Variants in ESRRB observed in about 807,000 individuals in gnomAD.
ESRRB encodes estrogen related receptor beta, also known as steroid hormone receptor ERR2.
Under a neutral mutation model 46.0 loss-of-function variants are expected in ESRRB, and 16 were observed. The observed-to-expected ratio is 0.35, with a 90% CI of 0.24 to 0.53. ESRRB has a LOEUF of 0.53. Among genes scored for constraint, ESRRB ranks in the 20% least tolerant of loss-of-function variants. The pLI, the probability that ESRRB is intolerant of heterozygous loss-of-function variation, is 0.93. For missense variants in ESRRB, 488 were observed against 607.4 expected, an observed-to-expected ratio of 0.80 and a Z score of 2.07; for synonymous variants, 246 against 259.6, an observed-to-expected ratio of 0.95 and a Z score of 0.50.
intron 1 of ESRRB, among the ~76,000 whole-genome samples, chr14:76,358,409 A>G (rs552496191): frequency 2.0e-5 from 3 of 147,022 alleles, no homozygotes; most frequent in Non-Finnish European, 3.0e-5. Flanking sequence ...GAAAGAAAGA[A>G]AGAAAAGAAA....
At position 76,500,633 on chromosome 14, in the gene ESRRB, G is replaced by A; in HGVS notation, c.*2175G>A. On this transcript the variant is annotated 3_prime_UTR_variant, in exon 7 of 7. Coordinates refer to ENST00000644823, the MANE Select transcript of ESRRB (RefSeq NM_001379180.1). ...CCCTGCTCTGTCACTTCCTGCTCAA[G>A]CTGGAGGACCCAGGCGGCAGGGCAT... is the stretch of plus-strand genomic sequence containing the variant. 6.3e-7 allele frequency: 1 copy of A among 1,587,730 alleles called. No homozygotes were observed. The highest frequency in any genetic ancestry group is 1.1e-5 in the South Asian group (1 of 90,594).
At chr14:76,383,645 G>A (rs1885104978) in intron 1 of ESRRB, among the ~76,000 whole-genome samples, 1 of 152,112 alleles carries the variant, frequency 6.6e-6, no homozygotes, top group Non-Finnish European at 1.5e-5. Context: ...GACTGTTTTG[G>A]AGGAAGGAGT....
intron 1 of ESRRB, among the ~76,000 whole-genome samples, chr14:76,421,476 A>G (rs1304402301): frequency 2.0e-5 from 3 of 152,224 alleles, no homozygotes; most frequent in African/African-American, 7.2e-5. Flanking sequence ...GAAATGTAGT[A>G]TTGTTATTCG....
At chr14:76,494,424 A>G (rs1323070308) in intron 6 of ESRRB, among the ~76,000 whole-genome samples, 1 of 150,982 alleles carries the variant, frequency 6.6e-6, no homozygotes, top group African/African-American at 2.4e-5. Flanking sequence ...CTCTTGCCTC[A>G]GCCTCCTTAG....
At position 76,376,222 on chromosome 14, in the gene ESRRB, G is replaced by A. The variant is rs1402104381; in HGVS notation, c.-180G>A. 1.2e-5 allele frequency: 5 copies of A among 401,996 alleles called. No individual in the cohort carries two copies. The highest frequency in any genetic ancestry group is 2.2e-5 in the Non-Finnish European group (5 of 230,812). The allele number at this position is 401,996 out of a possible 1,614,324, so 24.9% of individuals were successfully genotyped here. A position where few individuals can be genotyped will look rare whatever the true frequency, so the allele number is the denominator to read the frequency against. ...AGCGTGCGGATGAGTGGAGAGCTGG[G>A]CTGTGCGCGCACGGCTCTCTGCCTC... On this transcript the variant is annotated 5_prime_UTR_variant, in exon 1 of 7. Transcript: ENST00000644823. This position sits in a 1 kb window ranked among gnomAD's most constrained non-coding sequence, Gnocchi z 4.1.
chr14:76,402,852 T>C (rs1217867973), intron 1 of ESRRB, among the ~76,000 whole-genome samples: 3 of 152,182 alleles, frequency 2.0e-5, no homozygotes, highest in Non-Finnish European at 4.4e-5. Context: ...TTTCTTTTTC[T>C]TTCTTTTTTT....
chr14:76,471,509 T>G (rs1478314036), intron 3 of ESRRB, among the ~76,000 whole-genome samples: 1 of 152,194 alleles, frequency 6.6e-6, no homozygotes, highest in Non-Finnish European at 1.5e-5. Context: ...GTCTGTTCAC[T>G]CCTACCCACT....
chr14:76,400,585 G>A (rs990857325), intron 1 of ESRRB, among the ~76,000 whole-genome samples: 4 of 152,176 alleles, frequency 2.6e-5, no homozygotes, highest in Non-Finnish European at 4.4e-5. Flanking sequence ...GACAAATAGC[G>A]TCAACTTTGT....
At position 76,347,222 on chromosome 14, in the gene ESRRB, G is replaced by A. The variant is rs77371871; in HGVS notation, c.2+36306G>A. Among the ~76,000 whole-genome samples, 541 of 152,258 alleles carry A rather than the reference G, an allele frequency of 3.6e-3. 5 individuals are homozygous for A. Among genetic ancestry groups the A allele is most frequent in the African/African-American group, 0.012 (503 of 41,540 alleles). On this transcript the variant is annotated intron_variant, in intron 1 of 6. Transcript: ENST00000512784. ...AGGAGTCCAGACCCTAGACTAGGCT[G>A]TGAGCTATCAGCCTATGCCTATGTA...
chr14:76,423,794 C>T (rs1039389279), intron 1 of ESRRB, among the ~76,000 whole-genome samples: 2 of 152,298 alleles, frequency 1.3e-5, no homozygotes, highest in South Asian at 4.2e-4. Context: ...AAGCCTCTGC[C>T]ATCATATACG....
intron 2 of ESRRB, among the ~76,000 whole-genome samples, chr14:76,452,067 G>A (rs1267408204): frequency 6.6e-6 from 1 of 151,352 alleles, no homozygotes; most frequent in Non-Finnish European, 1.5e-5. Flanking sequence ...TCAGCCTCCC[G>A]AGTAGCTGGG....
chr14:76,491,342 C>G (rs924313388), intron 5 of ESRRB, 105 bp from the exon 6 acceptor site: 3 of 1,209,256 alleles, frequency 2.5e-6, no homozygotes, highest in African/African-American at 3.0e-5. Flanking sequence ...AGGGACACCC[C>G]GCAACCAGCC....
chr14:76,386,437 C>T (rs1885230798), intron 1 of ESRRB, among the ~76,000 whole-genome samples: 1 of 148,122 alleles, frequency 6.8e-6, no homozygotes. Context: ...AAGATTAATT[C>T]TAGGTTCGGT....
intron 6 of ESRRB, among the ~76,000 whole-genome samples, chr14:76,495,165 C>A (rs1490423582): frequency 2.0e-5 from 3 of 152,126 alleles, no homozygotes; most frequent in Non-Finnish European, 2.9e-5. Context: ...TACACACACA[C>A]CCCCACCTGA....
chr14:76,332,206 G>T lies in ESRRB; in HGVS notation c.2+21290G>T, dbSNP rs1297689321. ...CATGTAAGCCTCCATCCACCCGAGG[G>T]ACCTGCAGGGAACCAAGTTAGAATC... On this transcript the variant is annotated intron_variant, in intron 1 of 6. Transcript: ENST00000512784. 3.3e-5 allele frequency among the ~76,000 whole-genome samples: 5 copies of T among 151,662 alleles called. No homozygotes were observed. The East Asian group carries it at 9.8e-4, about 30-fold the overall frequency.
At chr14:76,418,890 A>T (rs879839487) in intron 1 of ESRRB, among the ~76,000 whole-genome samples, 3 of 152,044 alleles carry the variant, frequency 2.0e-5, no homozygotes, top group Non-Finnish European at 4.4e-5. Flanking sequence ...AACTGCTGGA[A>T]TTACAGGTGT....
At chr14:76,357,105 C>G (rs1251095888) in intron 1 of ESRRB, among the ~76,000 whole-genome samples, 1 of 141,558 alleles carries the variant, frequency 7.1e-6, no homozygotes, top group African/African-American at 2.5e-5. Flanking sequence ...CCACTCCTCC[C>G]CAATGAGGGA....
At position 76,448,040 on chromosome 14, in the gene ESRRB, T is replaced by C. The variant is rs11849283; in HGVS notation, c.460+8290T>C. 6.3e-3 allele frequency among the ~76,000 whole-genome samples: 965 copies of C among 152,302 alleles called. 8 individuals carry two copies. Among genetic ancestry groups the C allele is most frequent in the African/African-American group, 0.022 (930 of 41,570 alleles). On this transcript the variant is annotated intron_variant, in intron 2 of 6. Transcript: ENST00000644823. ...TCACCCTGATTGCTCTGTTTTCTAG[T>C]TACCAGATTTTATTCCATGCTTTCA... is the stretch of plus-strand genomic sequence containing the variant.
At chr14:76,399,700 C>G (rs1228322909) in intron 1 of ESRRB, among the ~76,000 whole-genome samples, 1 of 152,164 alleles carries the variant, frequency 6.6e-6, no homozygotes. Flanking sequence ...AGGCAGCTCC[C>G]AAGAGGAACT....
Sources: allele counts gnomAD v4.1 joint callset (sites outside exome capture counted in the v4.1 genomes callset), GRCh38; gene constraint gnomAD v4.1.1; non-coding constraint Gnocchi (gnomAD v3.1); transcripts MANE v1.5; gene names NCBI Gene and HGNC (gene_info 2026-07-23, HGNC 2026-07-21).